Variants in PIEZO2 observed in about 807,000 individuals in gnomAD.
The protein encoded by PIEZO2 is piezo type mechanosensitive ion channel component 2.
In PIEZO2, 172 loss-of-function variants were observed where a neutral mutation model predicts 337.3. That is an observed-to-expected ratio of 0.51 (90% CI 0.45 to 0.58). PIEZO2 has a LOEUF of 0.58. PIEZO2 is among the 20% of genes least tolerant of loss of function. The pLI, the probability that PIEZO2 is intolerant of heterozygous loss-of-function variation, is 0.00. For missense variants in PIEZO2, 3,028 were observed against 3,391.3 expected (o/e 0.89, Z 2.66); for synonymous variants, 1,251 against 1,228.5 (o/e 1.02, Z -0.38).
At chr18:11,085,220 C>A (rs750964374) in intron 1 of PIEZO2, among the ~76,000 whole-genome samples, 6 of 152,090 alleles carry the variant, frequency 3.9e-5, no homozygotes, top group Non-Finnish European at 7.3e-5. Context: ...ACTGGACCAG[C>A]CTGACTCAAT....
At position 11,016,735 on chromosome 18, in the gene PIEZO2, T is replaced by C. The variant is rs998178525; in HGVS notation, c.161-37075A>G. Among the ~76,000 whole-genome samples the C allele has an allele frequency of 2.6e-5, 4 of 152,220 alleles. No individual in the cohort carries two copies. Among genetic ancestry groups the C allele is most frequent in the African/African-American group, 9.6e-5 (4 of 41,452 alleles). On this transcript the variant is annotated intron_variant, in intron 2 of 55. Transcript: ENST00000674853. This position sits in a 1 kb window ranked among gnomAD's most constrained non-coding sequence, Gnocchi z 5.6. ...CTCCATCAAATAATGTAATGTTTTTTCACTGGAGGCAAATTCCTTCCCAGT... is the reference window on the plus strand; with the variant it reads ...CTCCATCAAATAATGTAATGTTTTTCCACTGGAGGCAAATTCCTTCCCAGT...
chr18:10,926,974 A>G (rs1448695912), intron 3 of PIEZO2, among the ~76,000 whole-genome samples: 4 of 152,204 alleles, frequency 2.6e-5, no homozygotes, highest in African/African-American at 7.2e-5. Flanking sequence ...AGCTCTTCCT[A>G]TCTCCTTTTG....
Position 10,671,415 on chromosome 18 carries a change from A to G in PIEZO2, c.*112T>C. 1.7e-6 allele frequency: 2 copies of G among 1,201,448 alleles called. No individual in the cohort carries two copies. Among genetic ancestry groups the G allele is most frequent in the Non-Finnish European group, 2.3e-6 (2 of 882,576 alleles). 74.4% of individuals were successfully genotyped at this position (1,201,448 alleles called of 1,614,324 possible). ...TCAGCTCCTTTTGTCTACCTATCAGAAGAGAAACAAACCATTTCCGTCGAA... is the reference window on the plus strand; with the variant it reads ...TCAGCTCCTTTTGTCTACCTATCAGGAGAGAAACAAACCATTTCCGTCGAA... On this transcript the variant is annotated 3_prime_UTR_variant, in exon 56 of 56. Transcript: ENST00000674853.
At chr18:10,764,966 A>T (rs1036356560) in intron 21 of PIEZO2, among the ~76,000 whole-genome samples, 1 of 152,254 alleles carries the variant, frequency 6.6e-6, no homozygotes, top group Non-Finnish European at 1.5e-5. Context: ...TAACTCAGTT[A>T]TGTCTGTTAT....
At chr18:10,887,063 C>T (rs1215372612) in intron 4 of PIEZO2, among the ~76,000 whole-genome samples, 2 of 106,188 alleles carry the variant, frequency 1.9e-5, no homozygotes, top group East Asian at 2.8e-4. Flanking sequence ...GGAGGTGACA[C>T]ACTTTTTTTT....
In PIEZO2 at chr18:10,903,632, C is replaced by G. The variant is rs2043104858; in HGVS notation, c.329+7554G>C. ...AGCTTGCAGTGAGCCGAGATCACAC[C>G]ACTGCACTCCAGCCTGGGCGACAGA... On this transcript the variant is annotated intron_variant, in intron 4 of 55. Transcript: ENST00000674853. This position sits in a 1 kb window ranked among gnomAD's most constrained non-coding sequence, Gnocchi z 4.1. Among the ~76,000 whole-genome samples, 1 of 152,026 alleles carries G rather than the reference C, an allele frequency of 6.6e-6. No individual in the cohort carries two copies. Among genetic ancestry groups the G allele is most frequent in the East Asian group, 1.9e-4 (1 of 5,184 alleles).
rs375865701 is a variant in PIEZO2, at chr18:11,081,982, G to A, written c.65-15760C>T. Among the ~76,000 whole-genome samples, 269 of 152,046 alleles carry A rather than the reference G, an allele frequency of 1.8e-3. 2 individuals are homozygous for A. The highest frequency in any genetic ancestry group is 3.4e-3 in the Middle Eastern group (1 of 294). ...ACCATATTGGTCAGGCTGATCTCGA[G>A]CTCCTGACCTCAGGTGATCCACCCG... On this transcript the variant is annotated intron_variant, in intron 1 of 55. Transcript: ENST00000674853.
chr18:10,726,113 G>T lies in PIEZO2; in HGVS notation c.5029+5294C>A, dbSNP rs888900111. The stretch of plus-strand genomic sequence containing the variant: ...TGTCAGTTCGGGAGAGTTCGTGCAC[G>T]TGTGTGGGTGCGTGGGTGTAGGGTG... On this transcript the variant is annotated intron_variant, in intron 36 of 55. Coordinates refer to ENST00000674853, the MANE Select transcript of PIEZO2 (RefSeq NM_001378183.1). The surrounding 1 kb of genome is among the most constrained non-coding windows in gnomAD (Gnocchi z 5.9). Among the ~76,000 whole-genome samples the T allele has an allele frequency of 6.6e-6, 1 of 152,130 alleles. No individual in the cohort carries two copies. The highest frequency in any genetic ancestry group is 2.1e-4 in the South Asian group (1 of 4,822).
chr18:11,060,411 G>C (rs1324858453), intron 2 of PIEZO2, among the ~76,000 whole-genome samples: 2 of 152,132 alleles, frequency 1.3e-5, no homozygotes, highest in Non-Finnish European at 2.9e-5. Context: ...TAAGATCAGA[G>C]CAGAACTGAA....
rs185962037 is a variant in PIEZO2, at chr18:11,002,452, G to C, written c.161-22792C>G. Among the ~76,000 whole-genome samples the C allele has an allele frequency of 3.3e-5, 5 of 152,266 alleles. No individual in the cohort carries two copies. In the South Asian group the frequency reaches 6.2e-4, roughly 19 times the overall value. The stretch of plus-strand genomic sequence containing the variant: ...ATCTGAGAGTCAGTCCTCACTTATG[G>C]GGAACAAACAAAGCACAGTGTTGAC... On this transcript the variant is annotated intron_variant, in intron 2 of 55. Coordinates refer to ENST00000674853, the MANE Select transcript of PIEZO2 (RefSeq NM_001378183.1). This position sits in a 1 kb window ranked among gnomAD's most constrained non-coding sequence, Gnocchi z 4.3.
intron 9 of PIEZO2, among the ~76,000 whole-genome samples, chr18:10,803,250 C>G (rs945434430): frequency 4.6e-5 from 7 of 152,218 alleles, no homozygotes; most frequent in African/African-American, 1.7e-4. Flanking sequence ...CTACCAAATA[C>G]TGACAAGTTT....
At chr18:10,874,688 G>T (rs1220420970) in intron 4 of PIEZO2, among the ~76,000 whole-genome samples, 1 of 152,028 alleles carries the variant, frequency 6.6e-6, no homozygotes, top group Non-Finnish European at 1.5e-5. Context: ...GAAACTAGAG[G>T]TCATTATTTT....
At chr18:11,086,758 GTT>G (rs11373960) in intron 1 of PIEZO2, among the ~76,000 whole-genome samples, 42 of 149,594 alleles carry the variant, frequency 2.8e-4, no homozygotes, top group African/African-American at 9.3e-4. Flanking sequence ...ATAATTTCGG[GTT>G]TTTTTTTTTA....
Position 10,870,350 on chromosome 18 carries a change from A to T in PIEZO2, c.492+903T>A, listed in dbSNP as rs2042110332. On this transcript the variant is annotated intron_variant, in intron 5 of 55. Transcript: ENST00000674853. The surrounding 1 kb of genome is among the most constrained non-coding windows in gnomAD (Gnocchi z 5.3). ...ATCGGTTAACATTCTCAATATAAGT[A>T]ACTTCAATTAACTTCAGTTTTATAA... Among the ~76,000 whole-genome samples the T allele has an allele frequency of 6.6e-6, 1 of 152,236 alleles. No homozygotes were observed. The highest frequency in any genetic ancestry group is 1.5e-5 in the Non-Finnish European group (1 of 68,040).
intron 1 of PIEZO2, among the ~76,000 whole-genome samples, chr18:11,144,125 G>A (rs1041762137): frequency 5.9e-5 from 9 of 152,058 alleles, no homozygotes; most frequent in East Asian, 1.9e-4. Context: ...CTCTGACTAC[G>A]AACAAACACA....
intron 5 of PIEZO2, among the ~76,000 whole-genome samples, chr18:10,864,239 C>T (rs2041949638): frequency 6.6e-6 from 1 of 152,162 alleles, no homozygotes; most frequent in Admixed American, 6.5e-5. Flanking sequence ...TCTATCCCTC[C>T]CTCCACTCAG....
Position 11,132,748 on chromosome 18 carries a change from ACCTTT to A in PIEZO2, c.64+15772_64+15776del, listed in dbSNP as rs1368352507. Among the ~76,000 whole-genome samples the A allele has an allele frequency of 6.6e-6, 1 of 152,130 alleles. No individual in the cohort carries two copies. The highest frequency in any genetic ancestry group is 1.5e-5 in the Non-Finnish European group (1 of 68,024). On this transcript the variant is annotated intron_variant, in intron 1 of 55. Transcript: ENST00000674853. This position sits in a 1 kb window ranked among gnomAD's most constrained non-coding sequence, Gnocchi z 4.7. ...CACCTGGACACTTTGGGCTCCTCCT[ACCTTT>A]AAGTCAACAGGCTAAGAAGGGAGTT...
At position 11,058,278 on chromosome 18, in the gene PIEZO2, A is replaced by C. The variant is rs577824022; in HGVS notation, c.160+7849T>G. Among the ~76,000 whole-genome samples the C allele has an allele frequency of 2.0e-5, 3 of 152,336 alleles. No homozygotes were observed. In the East Asian group the frequency reaches 5.8e-4, roughly 29 times the overall value. On this transcript the variant is annotated intron_variant, in intron 2 of 55. Coordinates refer to ENST00000674853, the MANE Select transcript of PIEZO2 (RefSeq NM_001378183.1). ...GAAGGAAAACTAACAAACAGAAAGG[A>C]CATCCACACCAAAACCCCATCATCA...
rs1428313462 is a variant in PIEZO2, at chr18:10,775,256, T to C, written c.2535-1218A>G. 6.6e-6 allele frequency among the ~76,000 whole-genome samples: 1 copy of C among 152,194 alleles called. No individual in the cohort carries two copies. The highest frequency in any genetic ancestry group is 6.5e-5 in the Admixed American group (1 of 15,292). ...TTGGAGAAGTTAGCTACTCTTAAAA[T>C]TGCAACCCATATCTTCTATACCAGT... On this transcript the variant is annotated intron_variant, in intron 18 of 55. Transcript: ENST00000674853. This position sits in a 1 kb window ranked among gnomAD's most constrained non-coding sequence, Gnocchi z 4.3.
Sources: gnomAD v4.1 joint callset for allele counts (sites outside exome capture counted in the v4.1 genomes callset) on GRCh38, gnomAD v4.1.1 for gene constraint, Gnocchi (gnomAD v3.1) non-coding constraint, MANE v1.5 for transcripts, NCBI Gene and HGNC (gene_info 2026-07-23, HGNC 2026-07-21) for gene names.